The following AHCTF1 variants were observed in gnomAD, a reference collection of about 807,000 sequenced individuals.
The protein encoded by AHCTF1 is AT-hook containing transcription factor 1.
AHCTF1 carries 24 observed loss-of-function variants against 248.4 expected under a neutral mutation model. The observed-to-expected ratio is 0.10, with a 90% CI of 0.07 to 0.14. The LOEUF is 0.14. Among genes scored for constraint, AHCTF1 ranks in the 10% least tolerant of loss-of-function variants. AHCTF1 has a pLI of 1.00. For missense variants in AHCTF1, 2,206 were observed against 2,636.2 expected (o/e 0.84, Z 3.57); for synonymous variants, 786 against 929.8 (o/e 0.85, Z 2.81).
At chr1:246,867,053 AAATTTT>A (rs898689492) in intron 26 of AHCTF1, among the ~76,000 whole-genome samples, 185 bp downstream of exon 26, 42 of 152,338 alleles carry the variant, frequency 2.8e-4, no homozygotes, top group South Asian at 1.9e-3. Context: ...TATTGAACAA[AAATTTT>A]AAGTATACTA....
At position 246,854,651 on chromosome 1, in the gene AHCTF1, G is replaced by A. The variant is rs987396538; in HGVS notation, c.4354+1079C>T. On this transcript the variant is annotated intron_variant, in intron 31 of 35. Coordinates refer to ENST00000648844, the MANE Select transcript of AHCTF1 (RefSeq NM_001323342.2). ...ATTTACTAAACTTCAGGTACCAAGC[G>A]CTACACAAAACACTTTACATGCAAG... 3.3e-5 allele frequency among the ~76,000 whole-genome samples: 5 copies of A among 152,074 alleles called. No individual in the cohort carries two copies. The East Asian group carries it at 5.8e-4, about 18-fold the overall frequency.
rs78818563 is a variant in AHCTF1 at position 246,871,101 on chromosome 1, G to A, written c.3089-3290C>T. 8.5e-3 allele frequency among the ~76,000 whole-genome samples: 1,287 copies of A among 152,258 alleles called. 25 individuals are homozygous for A. The highest frequency in any genetic ancestry group is 0.029 in the African/African-American group (1,218 of 41,538). ...TAGCCAGGGGAGCACTTACCCAAAT[G>A]CTAGGACCACTAAAAAAGGTGGTGG... On this transcript the variant is annotated intron_variant, in intron 24 of 35. Coordinates refer to ENST00000648844, the MANE Select transcript of AHCTF1 (RefSeq NM_001323342.2).
chr1:246,893,916 C>T (rs576170531), intron 14 of AHCTF1, among the ~76,000 whole-genome samples: 1 of 152,212 alleles, frequency 6.6e-6, no homozygotes, highest in South Asian at 2.1e-4. Flanking sequence ...TCAAAAATTA[C>T]TTTTGGCTGG....
intron 24 of AHCTF1, among the ~76,000 whole-genome samples, chr1:246,873,290 CTCTT>C (rs1311268815): frequency 6.6e-6 from 1 of 152,238 alleles, no homozygotes; most frequent in Non-Finnish European, 1.5e-5. Flanking sequence ...AAAAAATAGA[CTCTT>C]TCTCCCTGTG....
intron 30 of AHCTF1, among the ~76,000 whole-genome samples, chr1:246,856,794 T>G (rs964354099): frequency 6.6e-6 from 1 of 152,242 alleles, no homozygotes; most frequent in Non-Finnish European, 1.5e-5. Flanking sequence ...AGCATGTGAT[T>G]TAGTTCAAGG....
intron 24 of AHCTF1, among the ~76,000 whole-genome samples, chr1:246,871,043 G>GACTT (rs1268581914): frequency 1.3e-5 from 2 of 152,128 alleles, no homozygotes; most frequent in Non-Finnish European, 2.9e-5. Flanking sequence ...CAAACCTTTT[G>GACTT]ACTTATCTGT....
chr1:246,874,666 A>C (rs1271453497), intron 24 of AHCTF1, among the ~76,000 whole-genome samples: 5 of 152,162 alleles, frequency 3.3e-5, no homozygotes, highest in African/African-American at 1.2e-4. Flanking sequence ...GTATCTTCCA[A>C]ATTAAAAAAA....
At chr1:246,890,109 TCAA>T (rs756651823) in intron 16 of AHCTF1, 50 bp from the exon 17 acceptor site, 14 of 1,239,280 alleles carry the variant, frequency 1.1e-5, no homozygotes, top group South Asian at 7.7e-5. Flanking sequence ...CCCAAATATC[TCAA>T]CAATACATAT....
intron 14 of AHCTF1, 114 bp from the exon 15 acceptor site, chr1:246,892,033 T>C (rs1272153252): frequency 2.5e-6 from 3 of 1,195,290 alleles, no homozygotes; most frequent in Admixed American, 6.5e-5. Context: ...CTATTCATTA[T>C]GAGATTTATA....
At chr1:246,900,517 T>C (rs1664921983) in intron 8 of AHCTF1, 48 bp from the exon 9 acceptor site, 2 of 1,541,718 alleles carry the variant, frequency 1.3e-6, no homozygotes, top group Non-Finnish European at 1.7e-6. Flanking sequence ...AATCTCAAAG[T>C]AAAATCACCT....
At chr1:246,871,807 T>C (rs937307287) in intron 24 of AHCTF1, among the ~76,000 whole-genome samples, 3 of 152,030 alleles carry the variant, frequency 2.0e-5, no homozygotes, top group Admixed American at 1.3e-4. Flanking sequence ...CCTAAAAGGG[T>C]AGCAGTGGCC....
intron 1 of AHCTF1, among the ~76,000 whole-genome samples, chr1:246,923,344 G>A (rs1216128886): frequency 6.6e-6 from 1 of 152,030 alleles, no homozygotes; most frequent in Non-Finnish European, 1.5e-5. Context: ...GAACCTAGGA[G>A]TCAAGGGTTG....
intron 1 of AHCTF1, among the ~76,000 whole-genome samples, chr1:246,923,210 T>A (rs1391639660): frequency 6.7e-6 from 1 of 149,538 alleles, no homozygotes; most frequent in Non-Finnish European, 1.5e-5. Context: ...AGGTCAGGAG[T>A]TTGAGACCAG....
Position 246,853,168 on chromosome 1 carries a change from C to T in AHCTF1, c.4486G>A (p.Val1496Ile), listed in dbSNP as rs767807860. ...GGTAAGTCAACACTTTCTTTTAGTA[C>T]ACCAACTTCTACTTCATGATCTTCT... ...LKEDHEVEVGVLKESVDLPEE... is the reference protein window; with the variant it reads ...LKEDHEVEVGILKESVDLPEE... The change falls in exon 32 of 36, where the codon GTA becomes ATA. Residue 1496 changes from valine (V) to isoleucine (I), a missense_variant. Physicochemically the swap from Val to Ile is conservative, Grantham distance 29. Around this residue, in one of 6 missense-constraint regions of AHCTF1, gnomAD observed 955 missense variants for 1,055.6 expected, o/e 0.90. Transcript: ENST00000648844. The T allele has an allele frequency of 6.2e-7, 1 of 1,612,780 alleles. No individual in the cohort carries two copies. Among genetic ancestry groups the T allele is most frequent in the Non-Finnish European group, 8.5e-7 (1 of 1,179,298 alleles).
intron 24 of AHCTF1, among the ~76,000 whole-genome samples, chr1:246,872,164 C>T (rs947474914): frequency 5.9e-5 from 9 of 151,296 alleles, no homozygotes; most frequent in East Asian, 3.9e-4. Flanking sequence ...ACAAACCTTA[C>T]GCAATTAGTT....
intron 21 of AHCTF1, among the ~76,000 whole-genome samples, chr1:246,880,489 G>A (rs777469605): frequency 4.0e-4 from 60 of 150,786 alleles, no homozygotes; most frequent in African/African-American, 1.2e-3. Flanking sequence ...ACTTGAACCC[G>A]GGAGGTGGAG....
In AHCTF1 at chr1:246,849,592, G is replaced by A. The variant is rs924438604; in HGVS notation, c.6391+23C>T. Reference sequence around the variant, plus strand: ...TGAAGAGTGACTGAGATGAAAAACTGTTTTGCAGAGAAAGAAAAGTACCTT... The same window carrying A: ...TGAAGAGTGACTGAGATGAAAAACTATTTTGCAGAGAAAGAAAAGTACCTT... On this transcript the variant is annotated intron_variant, in intron 33 of 35. Coordinates refer to ENST00000648844, the MANE Select transcript of AHCTF1 (RefSeq NM_001323342.2). 3.8e-6 allele frequency: 6 copies of A among 1,578,508 alleles called. No homozygotes were observed. The East Asian group carries it at 6.7e-5, about 18-fold the overall frequency.
Position 246,913,089 on chromosome 1 carries a change from T to G in AHCTF1, c.556+143A>C, listed in dbSNP as rs192004954. On this transcript the variant is annotated intron_variant, in intron 4 of 35. Coordinates refer to ENST00000648844, the MANE Select transcript of AHCTF1 (RefSeq NM_001323342.2). The stretch of plus-strand genomic sequence containing the variant: ...CAGGTCCAGACAATAAAAAAGATTT[T>G]AAAATACCTTTTTTTTTTTTATAGA... 3 of 726,076 alleles carry G rather than the reference T, an allele frequency of 4.1e-6. No individual in the cohort carries two copies. In the African/African-American group the frequency reaches 5.4e-5, roughly 13 times the overall value. 45.0% of individuals were successfully genotyped at this position (726,076 alleles called of 1,614,324 possible).
Position 246,898,275 on chromosome 1 carries a change from T to C in AHCTF1, c.1556A>G (p.Asn519Ser), listed in dbSNP as rs994185002. 8.1e-6 allele frequency: 13 copies of C among 1,612,774 alleles called. No homozygotes were observed. Among genetic ancestry groups the C allele is most frequent in the Admixed American group, 1.7e-5 (1 of 59,998 alleles). ...SLNELIPDGYNRCLVAGLLSP... is the reference protein window; with the variant it reads ...SLNELIPDGYSRCLVAGLLSP... ...AAGAAGGCCAGCTACAAGACATCGA[T>C]TATAACCATCAGGAATGAGTTCATT... is the stretch of plus-strand genomic sequence containing the variant. The change falls in exon 12 of 36, where the codon AAT becomes AGT. Residue 519 changes from asparagine (N) to serine (S), a missense_variant. By Grantham distance (46) the Asn-to-Ser change is conservative (BLOSUM62 1). Around this residue, in one of 6 missense-constraint regions of AHCTF1, gnomAD observed 650 missense variants for 870.8 expected, o/e 0.75. Transcript: ENST00000648844.
Sources: gnomAD v4.1 joint callset for allele counts (sites outside exome capture counted in the v4.1 genomes callset) on GRCh38, gnomAD v4.1.1 for gene constraint, gnomAD v4.1.1 regional missense constraint, MANE v1.5 for transcripts, NCBI Gene and HGNC (gene_info 2026-07-23, HGNC 2026-07-21) for gene names.